The following NSMCE4A variants were observed in gnomAD, a reference collection of about 807,000 sequenced individuals.
NSMCE4A encodes NSE4A component of SMC5/6 complex.
A neutral mutation model predicts 47.9 loss-of-function variants in NSMCE4A; 40 were observed. The observed-to-expected ratio is 0.83, with a 90% CI of 0.65 to 1.09. NSMCE4A has a LOEUF of 1.09. Ranked by LOEUF, NSMCE4A falls within the 50% of genes least tolerant of loss-of-function variation. The probability of loss-of-function intolerance (pLI) is 0.00; values close to 1 mark genes in which losing one functional copy is unlikely to be tolerated. For missense variants in NSMCE4A, 500 were observed against 507.0 expected (o/e 0.99, Z 0.13); for synonymous variants, 166 against 178.5 (o/e 0.93, Z 0.56).
intron 2 of NSMCE4A, among the ~76,000 whole-genome samples, chr10:121,973,796 G>A (rs938530658): frequency 2.6e-5 from 4 of 152,154 alleles, no homozygotes; most frequent in South Asian, 2.1e-4. Context: ...CACAGACTGC[G>A]GAACCTACCC....
chr10:121,966,560 C>T (rs1166632621), intron 4 of NSMCE4A: 1 of 152,148 alleles, frequency 6.6e-6, no homozygotes, highest in Non-Finnish European at 1.5e-5. Flanking sequence ...CCTGAGTTAC[C>T]TGAAGTCTTA....
In NSMCE4A at chr10:121,974,848, C is replaced by T. The variant is rs978825844; in HGVS notation, c.292+26G>A. On this transcript the variant is annotated intron_variant, in intron 1 of 10. Coordinates refer to ENST00000369023, the MANE Select transcript of NSMCE4A (RefSeq NM_017615.3). ...GCGGGGACAGCGGCCCGTCCGGGCC[C>T]GCGCCGCCCGGAGGCGCCGCCTTAC... 5.6e-6 allele frequency: 8 copies of T among 1,439,330 alleles called. No homozygotes were observed. The African/African-American group carries it at 8.9e-5, about 16-fold the overall frequency. The allele number at this position is 1,439,330 out of a possible 1,614,324, so 89.2% of individuals were successfully genotyped here.
At chr10:121,959,651 A>T in intron 8 of NSMCE4A, 56 bp from the exon 9 acceptor site, 1 of 1,172,182 alleles carries the variant, frequency 8.5e-7, no homozygotes, top group Non-Finnish European at 1.3e-6. Flanking sequence ...CGGAACAGGT[A>T]ATCTAAACGG....
intron 1 of NSMCE4A, 50 bp downstream of exon 1, chr10:121,974,824 C>T: frequency 7.6e-7 from 1 of 1,323,066 alleles, no homozygotes; most frequent in African/African-American, 1.5e-5. Flanking sequence ...CGGCGCAGGG[C>T]GGGGACAGCG....
At chr10:121,972,822 G>T (rs1468120314) in intron 2 of NSMCE4A, among the ~76,000 whole-genome samples, 1 of 152,176 alleles carries the variant, frequency 6.6e-6, no homozygotes, top group Non-Finnish European at 1.5e-5. Context: ...CTAAGATGGG[G>T]AATGGTAAGG....
rs762187990 is a variant in NSMCE4A, at chr10:121,975,093, G to C, written c.73C>G (p.Arg25Gly). The C allele has an allele frequency of 1.0e-5, 15 of 1,442,838 alleles. No individual in the cohort carries two copies. In the South Asian group the frequency reaches 2.0e-4, roughly 19 times the overall value. 89.4% of individuals were successfully genotyped at this position (1,442,838 alleles called of 1,614,324 possible). The change falls in exon 1 of 11, where the codon CGC becomes GGC. Residue 25 changes from arginine (R) to glycine (G), a missense_variant. Physicochemically the swap from Arg to Gly is moderately radical, Grantham distance 125 (BLOSUM62 -2). Transcript: ENST00000369023. The part of the protein sequence containing the change: ...RGRDPHRDRT[R>G]SRSRSRSPLS... Reference sequence around the variant, plus strand: ...GGGGACCGCGAGCGGGAGCGGGAGCGGGTGCGATCCCGATGCGGGTCGCGG... The same window carrying C: ...GGGGACCGCGAGCGGGAGCGGGAGCCGGTGCGATCCCGATGCGGGTCGCGG...
Position 121,967,728 on chromosome 10 carries a change from C to T in NSMCE4A, c.580G>A (p.Val194Ile). Reference sequence around the variant, plus strand: ...CCTGTTATCTTCCAGGAGTCATAGACTATGAATTCAAAATCAGGACTATCT... The same window carrying T: ...CCTGTTATCTTCCAGGAGTCATAGATTATGAATTCAAAATCAGGACTATCT... ...DEDSPDFEFI[V>I]YDSWKITGRT... The change falls in exon 4 of 11, where the codon GTC becomes ATC. Residue 194 changes from valine to isoleucine, a missense_variant. Coordinates refer to ENST00000369023, the MANE Select transcript of NSMCE4A (RefSeq NM_017615.3). 2 of 1,614,156 alleles carry T rather than the reference C, an allele frequency of 1.2e-6. No homozygotes were observed. Among genetic ancestry groups the T allele is most frequent in the Middle Eastern group, 1.7e-4 (1 of 6,060 alleles).
rs762866588 is a variant in NSMCE4A, at chr10:121,959,384, T to C, written c.1110A>G (p.Ser370=). The C allele has an allele frequency of 1.2e-6, 2 of 1,614,250 alleles. No homozygotes were observed. The highest frequency in any genetic ancestry group is 1.7e-5 in the Admixed American group (1 of 60,030). The part of the protein sequence containing the change: ...WEEIVKTFEI[S]EPVITPSQRQ... The stretch of plus-strand genomic sequence containing the variant: ...TCTGACTTGGAGTAATCACAGGCTC[T>C]GAAATCTCAAAGGTCTTCACAATCT... The change falls in exon 10 of 11, where the codon TCA becomes TCG. Residue 370 remains serine (S), a synonymous_variant. Coordinates refer to ENST00000369023, the MANE Select transcript of NSMCE4A (RefSeq NM_017615.3).
At position 121,975,084 on chromosome 10, in the gene NSMCE4A, AGCGGGAGCGGGT is replaced by A; in HGVS notation, c.70_81del (p.Thr24_Arg27del). The A allele has an allele frequency of 1.4e-6, 2 of 1,444,172 alleles. No homozygotes were observed. The highest frequency in any genetic ancestry group is 1.4e-5 in the South Asian group (1 of 71,694). 89.5% of individuals were successfully genotyped at this position (1,444,172 alleles called of 1,614,324 possible). ...GGCGACAAAGGGGACCGCGAGCGGGAGCGGGAGCGGGTGCGATCCCGATGCGGGTCGCGGCCC... is the reference window on the plus strand; with the variant it reads ...GGCGACAAAGGGGACCGCGAGCGGGAGCGATCCCGATGCGGGTCGCGGCCC... On this transcript the variant is annotated inframe_deletion, in exon 1 of 11. Coordinates refer to ENST00000369023, the MANE Select transcript of NSMCE4A (RefSeq NM_017615.3).
rs760846580 is a variant in NSMCE4A at position 121,963,263 on chromosome 10, C to T, written c.819G>A (p.Leu273=). 1.9e-6 allele frequency: 3 copies of T among 1,610,834 alleles called. No homozygotes were observed. The highest frequency in any genetic ancestry group is 2.5e-6 in the Non-Finnish European group (3 of 1,177,540). Residue 273 remains leucine, a synonymous_variant, in exon 6 of 11, where the codon TTG becomes TTA. Coordinates refer to ENST00000369023, the MANE Select transcript of NSMCE4A (RefSeq NM_017615.3). ...GATCTTCTCGAAAATATGTCTGCAA[C>T]AATCCCAAGATTCTTTCTACTTCTT... is the stretch of plus-strand genomic sequence containing the variant. ...TEKEVERILG[L]LQTYFREDPD... is the part of the protein sequence containing the mutation.
intron 10 of NSMCE4A, among the ~76,000 whole-genome samples, chr10:121,958,908 G>A (rs12241339): frequency 0.13 from 19,806 of 151,290 alleles, 1,539 homozygotes; most frequent in Middle Eastern, 0.18. Flanking sequence ...TCCACCTCCC[G>A]GGTTCAAGCA....
chr10:121,965,265 AAGC>A lies in NSMCE4A; in HGVS notation c.753+18_753+20del. 6.5e-7 allele frequency: 1 copy of A among 1,544,616 alleles called. No individual in the cohort carries two copies. Among genetic ancestry groups the A allele is most frequent in the South Asian group, 1.2e-5 (1 of 85,200 alleles). ...TTTTAACTTTAATGTGTTTTTTTAA[AAGC>A]AACATTTTAAAACAAACCTGGGCAG... On this transcript the variant is annotated intron_variant, in intron 5 of 10. Transcript: ENST00000369023.
chr10:121,974,366 T>C, intron 1 of NSMCE4A: 1 of 1,166,400 alleles, frequency 8.6e-7, no homozygotes, highest in Non-Finnish European at 1.1e-6. Context: ...TGAGTGGTTC[T>C]CAAACTTTGC....
Position 121,965,189 on chromosome 10 carries a change from C to T in NSMCE4A, c.753+97G>A, listed in dbSNP as rs758675870. 5.8e-4 allele frequency: 457 copies of T among 784,212 alleles called. 1 individual carries two copies. Among genetic ancestry groups the T allele is most frequent in the Admixed American group, 2.0e-3 (81 of 40,282 alleles). The allele number at this position is 784,212 out of a possible 1,614,324, so 48.6% of individuals were successfully genotyped here. The stretch of plus-strand genomic sequence containing the variant: ...AAGTGACAAAACCTGGCTCCAGACC[C>T]GCACACTTAGAAAAAATGGCCAAAT... On this transcript the variant is annotated intron_variant, in intron 5 of 10. Transcript: ENST00000369023.
At chr10:121,962,109 TAAA>T (rs71022875) in intron 6 of NSMCE4A, 12,836 of 289,046 alleles carry the variant, frequency 0.044, 3 homozygotes, top group South Asian at 0.073. Context: ...GACTGTCTCC[TAAA>T]AAAAAAAAAA....
At chr10:121,971,378 C>T (rs1158851725) in intron 2 of NSMCE4A, among the ~76,000 whole-genome samples, 2 of 152,046 alleles carry the variant, frequency 1.3e-5, no homozygotes, top group African/African-American at 2.4e-5. Context: ...GGCGTGGTGG[C>T]GGGCGCCTGT....
At chr10:121,973,900 C>G in intron 2 of NSMCE4A, 104 bp downstream of exon 2, 2 of 773,594 alleles carry the variant, frequency 2.6e-6, no homozygotes, top group South Asian at 1.7e-5. Flanking sequence ...TGGGAAAGCA[C>G]TATTACAAAT....
intron 7 of NSMCE4A, 46 bp downstream of exon 7, chr10:121,961,377 T>C: frequency 7.4e-7 from 1 of 1,348,700 alleles, no homozygotes; most frequent in Non-Finnish European, 1.0e-6. Context: ...TATGTAGCCT[T>C]TTAAAAGCAT....
In NSMCE4A at chr10:121,975,211, A is replaced by G; in HGVS notation, c.-46T>C. The G allele has an allele frequency of 2.2e-6, 3 of 1,348,308 alleles. No homozygotes were observed. The highest frequency in any genetic ancestry group is 3.6e-5 in the South Asian group (2 of 55,664). The allele number at this position is 1,348,308 out of a possible 1,614,324, so 83.5% of individuals were successfully genotyped here. ...CTTCGGAACGGCGGAAGTTCGCGCC[A>G]GAAACTGAAACCCCTGCTCTGCGCC... On this transcript the variant is annotated 5_prime_UTR_variant, in exon 1 of 11. Transcript: ENST00000369023.
Sources: gnomAD v4.1 joint callset for allele counts (sites outside exome capture counted in the v4.1 genomes callset) on GRCh38, gnomAD v4.1.1 for gene constraint, MANE v1.5 for transcripts, NCBI Gene and HGNC (gene_info 2026-07-23, HGNC 2026-07-21) for gene names.